The following COL23A1 variants were observed in gnomAD, a reference collection of about 807,000 sequenced individuals.
COL23A1 encodes collagen type XXIII alpha 1 chain, also known as collagen alpha-1(XXIII) chain.
Under a neutral mutation model 99.3 loss-of-function variants are expected in COL23A1, and 97 were observed. The observed-to-expected ratio is 0.98, with a 90% CI of 0.83 to 1.16. The LOEUF is 1.16. COL23A1 is among the 50% of genes most tolerant of loss of function. The pLI is 0.00. For synonymous variants in COL23A1, 320 were observed against 308.2 expected (o/e 1.04, Z -0.40); for missense variants, 762 against 757.4 (o/e 1.01, Z -0.07).
chr5:178,498,244 A>T (rs1227092986), intron 2 of COL23A1, among the ~76,000 whole-genome samples: 1 of 71,238 alleles, frequency 1.4e-5, no homozygotes, highest in Non-Finnish European at 2.4e-5. Flanking sequence ...ATATATATAT[A>T]TATATATATA....
Position 178,409,489 on chromosome 5 carries a change from A to T in COL23A1, c.362-102570T>A, listed in dbSNP as rs1396702958. Among the ~76,000 whole-genome samples the T allele has an allele frequency of 2.0e-5, 3 of 151,416 alleles. No homozygotes were observed. In the South Asian group the frequency reaches 6.3e-4, roughly 32 times the overall value. On this transcript the variant is annotated intron_variant, in intron 2 of 28. Transcript: ENST00000390654. The stretch of plus-strand genomic sequence containing the variant: ...TAGTGACTGTGGTGGTATTTACACT[A>T]GTGTGTGTGTGTGTGATAAAATGGC...
intron 2 of COL23A1, among the ~76,000 whole-genome samples, chr5:178,345,848 A>T (rs532433999): frequency 1.2e-4 from 18 of 152,168 alleles, no homozygotes; most frequent in Admixed American, 2.0e-4. Context: ...TTTAAAATGA[A>T]ATTAGATCAT....
intron 2 of COL23A1, among the ~76,000 whole-genome samples, chr5:178,325,721 C>A (rs1346331320): frequency 1.3e-5 from 2 of 152,204 alleles, no homozygotes; most frequent in African/African-American, 4.8e-5. Flanking sequence ...GTGGCCCAGG[C>A]CCAGGCAGAA....
At chr5:178,446,858 C>G (rs1372522659) in intron 2 of COL23A1, among the ~76,000 whole-genome samples, 2 of 152,072 alleles carry the variant, frequency 1.3e-5, no homozygotes, top group Non-Finnish European at 2.9e-5. Flanking sequence ...TAGTACACAC[C>G]TACTGAATGA....
intron 2 of COL23A1, among the ~76,000 whole-genome samples, chr5:178,318,516 G>C (rs981243823): frequency 2.0e-5 from 3 of 152,230 alleles, no homozygotes; most frequent in Non-Finnish European, 4.4e-5. Flanking sequence ...TGCCCACAGG[G>C]GCTCAGAGCC....
chr5:178,465,805 G>C (rs960768545), intron 2 of COL23A1, among the ~76,000 whole-genome samples: 7 of 152,230 alleles, frequency 4.6e-5, no homozygotes, highest in African/African-American at 1.7e-4. Context: ...TTCAACAGCA[G>C]TGAGTCCTCT....
chr5:178,353,619 G>A (rs940195862), intron 2 of COL23A1, among the ~76,000 whole-genome samples: 3 of 152,156 alleles, frequency 2.0e-5, no homozygotes, highest in African/African-American at 2.4e-5. Context: ...TCCCTGGGAC[G>A]CAGCTTCTCC....
At chr5:178,438,927 T>C (rs566587320) in intron 2 of COL23A1, 1 of 152,276 alleles carries the variant, frequency 6.6e-6, no homozygotes, top group Non-Finnish European at 1.5e-5. Context: ...CTGTCCCAAC[T>C]GCACCAAAAG....
intron 2 of COL23A1, among the ~76,000 whole-genome samples, chr5:178,527,321 A>T (rs1489952053): frequency 6.6e-6 from 1 of 152,180 alleles, no homozygotes; most frequent in African/African-American, 2.4e-5. Flanking sequence ...GCCGGGGTCT[A>T]GATGTTTCCA....
intron 2 of COL23A1, among the ~76,000 whole-genome samples, chr5:178,554,428 T>C (rs1253836247): frequency 6.6e-6 from 1 of 152,068 alleles, no homozygotes; most frequent in African/African-American, 2.4e-5. Context: ...ATCTGCCCAC[T>C]TCGGCCTCCC....
At position 178,478,671 on chromosome 5, in the gene COL23A1, T is replaced by C. The variant is rs113419942; in HGVS notation, c.361+82011A>G. Among the ~76,000 whole-genome samples, 593 of 152,278 alleles carry C rather than the reference T, an allele frequency of 3.9e-3. 5 individuals are homozygous for C. The highest frequency in any genetic ancestry group is 0.013 in the African/African-American group (558 of 41,552). ...GAGAGAGTGTCTGGAGAAATCAAGT[T>C]AATGTTTTCAATTAATATTTGGGAA... is the stretch of plus-strand genomic sequence containing the variant. On this transcript the variant is annotated intron_variant, in intron 2 of 28. Coordinates refer to ENST00000390654, the MANE Select transcript of COL23A1 (RefSeq NM_173465.4).
At chr5:178,330,609 G>A (rs1411099299) in intron 2 of COL23A1, among the ~76,000 whole-genome samples, 1 of 151,422 alleles carries the variant, frequency 6.6e-6, no homozygotes, top group East Asian at 1.9e-4. Context: ...AGCCGAGATT[G>A]CACCACTGCC....
chr5:178,506,979 G>A (rs1022596186), intron 2 of COL23A1, among the ~76,000 whole-genome samples: 2 of 152,190 alleles, frequency 1.3e-5, no homozygotes, highest in African/African-American at 2.4e-5. Context: ...ATTTTTATTC[G>A]TTTTAGTTTA....
In COL23A1 at chr5:178,308,856, G is replaced by C. The variant is rs1342871072; in HGVS notation, c.362-1937C>G. ...GGGGGCTTTCCTCCTCTCTGGGCCT[G>C]TTTTCAATGAGAGCGAGGTACGGGA... On this transcript the variant is annotated intron_variant, in intron 2 of 28. Transcript: ENST00000390654. This position sits in a 1 kb window ranked among gnomAD's most constrained non-coding sequence, Gnocchi z 5.1. Among the ~76,000 whole-genome samples the C allele has an allele frequency of 6.6e-6, 1 of 152,120 alleles. No individual in the cohort carries two copies. The highest frequency in any genetic ancestry group is 1.5e-5 in the Non-Finnish European group (1 of 68,026).
chr5:178,486,578 G>A (rs1442740783), intron 2 of COL23A1, among the ~76,000 whole-genome samples: 1 of 152,212 alleles, frequency 6.6e-6, no homozygotes, highest in Non-Finnish European at 1.5e-5. Flanking sequence ...ATTCCAAGAG[G>A]CTCTTTCAGG....
At chr5:178,241,270 CCAG>C (rs1764381790) in intron 27 of COL23A1, among the ~76,000 whole-genome samples, 1 of 152,046 alleles carries the variant, frequency 6.6e-6, no homozygotes. Context: ...GTTTCAGGCA[CCAG>C]TGCCTGAAAC....
chr5:178,303,147 G>GCACCA, intron 3 of COL23A1, among the ~76,000 whole-genome samples: 1 of 152,288 alleles, frequency 6.6e-6, no homozygotes, highest in South Asian at 2.1e-4. Context: ...CTACAGGTAT[G>GCACCA]CACCACCATG....
chr5:178,367,846 C>T (rs550307703), intron 2 of COL23A1, among the ~76,000 whole-genome samples: 1 of 152,354 alleles, frequency 6.6e-6, no homozygotes, highest in East Asian at 1.9e-4. Flanking sequence ...TACGGGCTGC[C>T]ACCCTTCAGG....
intron 2 of COL23A1, among the ~76,000 whole-genome samples, chr5:178,326,205 G>A (rs1033801881): frequency 2.6e-5 from 4 of 152,100 alleles, no homozygotes; most frequent in Admixed American, 6.5e-5. Flanking sequence ...ACACGTGCTC[G>A]CGGCAAGCCT....
Sources: gnomAD v4.1 joint callset for allele counts (sites outside exome capture counted in the v4.1 genomes callset) on GRCh38, gnomAD v4.1.1 for gene constraint, Gnocchi (gnomAD v3.1) non-coding constraint, MANE v1.5 for transcripts, NCBI Gene and HGNC (gene_info 2026-07-23, HGNC 2026-07-21) for gene names.